The following MECOM variants were observed in gnomAD, a reference collection of about 807,000 sequenced individuals.
MECOM encodes the protein histone-lysine N-methyltransferase MECOM.
In MECOM, 13 loss-of-function variants were observed where a neutral mutation model predicts 116.3. That is an observed-to-expected ratio of 0.11 (90% CI 0.07 to 0.18). MECOM has a LOEUF of 0.18. Among genes scored for constraint, MECOM ranks in the 10% least tolerant of loss-of-function variants. MECOM has a pLI of 1.00. For missense variants in MECOM, 1,299 were observed against 1,509.0 expected (o/e 0.86, Z 2.31); for synonymous variants, 528 against 535.2 (o/e 0.99, Z 0.19).
At chr3:169,273,061 A>G (rs573760189) in intron 2 of MECOM, among the ~76,000 whole-genome samples, 1 of 152,266 alleles carries the variant, frequency 6.6e-6, no homozygotes, top group South Asian at 2.1e-4. Context: ...GTAGTCAGCT[A>G]CAGAATAGGA....
chr3:169,632,492 A>C (rs1772214236), intron 1 of MECOM, among the ~76,000 whole-genome samples: 1 of 152,198 alleles, frequency 6.6e-6, no homozygotes, highest in Non-Finnish European at 1.5e-5. Context: ...ATCTTGAATT[A>C]AAAAATAATC....
chr3:169,180,794 G>GATATATATATATAAATATATATATATAT (rs1745857794), intron 2 of MECOM, among the ~76,000 whole-genome samples: 1 of 108,718 alleles, frequency 9.2e-6, no homozygotes, highest in Admixed American at 9.5e-5. Context: ...GTGTGGAGAT[G>GATATATATATATAAATATATATATATAT]ATATATATAT....
At chr3:169,458,983 C>T (rs1000445879) in intron 1 of MECOM, among the ~76,000 whole-genome samples, 2 of 152,202 alleles carry the variant, frequency 1.3e-5, no homozygotes, top group Non-Finnish European at 2.9e-5. Context: ...AGCATTTAAA[C>T]ATGTCTGAAT....
intron 2 of MECOM, among the ~76,000 whole-genome samples, chr3:169,284,301 G>A (rs1381914499): frequency 6.6e-6 from 1 of 152,184 alleles, no homozygotes; most frequent in African/African-American, 2.4e-5. Context: ...TCACATTCTA[G>A]CAGCCTCCTT....
intron 2 of MECOM, among the ~76,000 whole-genome samples, chr3:169,252,514 C>T (rs1416890105): frequency 1.3e-5 from 2 of 150,272 alleles, no homozygotes; most frequent in African/African-American, 2.4e-5. Context: ...TTATATATAA[C>T]AAATATTTAT....
intron 2 of MECOM, 57 bp downstream of exon 2, chr3:169,381,130 A>G: frequency 6.8e-7 from 1 of 1,460,162 alleles, no homozygotes; most frequent in Non-Finnish European, 9.3e-7. Context: ...TGCTTAAACA[A>G]TCTCTTCTTT....
intron 7 of MECOM, 38 bp from the exon 8 acceptor site, chr3:169,116,777 G>A (rs1441824631): frequency 1.3e-6 from 2 of 1,534,620 alleles, no homozygotes; most frequent in African/African-American, 1.4e-5. Flanking sequence ...CAGGCTTTAT[G>A]TCAATTGCTT....
chr3:169,339,109 A>T (rs1032501197), intron 2 of MECOM, among the ~76,000 whole-genome samples: 14 of 152,220 alleles, frequency 9.2e-5, no homozygotes, highest in Admixed American at 5.9e-4. Flanking sequence ...GGTCGTTAGC[A>T]TCTACAATGC....
intron 1 of MECOM, among the ~76,000 whole-genome samples, chr3:169,577,366 T>C (rs539828827): frequency 2.0e-5 from 3 of 152,318 alleles, no homozygotes; most frequent in Admixed American, 6.5e-5. Context: ...AGCTGCTTTA[T>C]AATTAATAAA....
chr3:169,168,946 T>C (rs1469513990), intron 2 of MECOM, among the ~76,000 whole-genome samples: 3 of 151,792 alleles, frequency 2.0e-5, no homozygotes, highest in East Asian at 1.9e-4. Flanking sequence ...ATAGAATAGA[T>C]TGTTATAGAT....
intron 4 of MECOM, among the ~76,000 whole-genome samples, chr3:169,129,016 A>G (rs1412116418): frequency 6.6e-6 from 1 of 152,124 alleles, no homozygotes; most frequent in East Asian, 1.9e-4. Flanking sequence ...TCTTTTATAG[A>G]CCTATGGCCA....
chr3:169,659,718 G>A (rs529824212), intron 1 of MECOM, among the ~76,000 whole-genome samples: 2 of 152,154 alleles, frequency 1.3e-5, no homozygotes, highest in African/African-American at 2.4e-5. Flanking sequence ...AACCCAAGTA[G>A]GTGGGCATAC....
rs144590412 is a variant in MECOM at position 169,661,990 on chromosome 3, G to A, written c.37+1346C>T. Among the ~76,000 whole-genome samples, 29 of 152,330 alleles carry A rather than the reference G, an allele frequency of 1.9e-4. No individual in the cohort carries two copies. The East Asian group carries it at 4.0e-3, about 21-fold the overall frequency. ...GACACCTCAAGGAAGAGCGCTCCCA[G>A]CCGCTCCGGGGCTCAGTGTCCCTGA... On this transcript the variant is annotated intron_variant, in intron 1 of 16. Transcript: ENST00000651503.
At chr3:169,546,888 C>T (rs1387274780) in intron 1 of MECOM, among the ~76,000 whole-genome samples, 1 of 152,194 alleles carries the variant, frequency 6.6e-6, no homozygotes, top group African/African-American at 2.4e-5. Flanking sequence ...TGTGATGGAG[C>T]TGTTGAAAGA....
chr3:169,095,326 C>T, intron 12 of MECOM, 81 bp from the exon 13 acceptor site: 8 of 1,163,798 alleles, frequency 6.9e-6, no homozygotes, highest in Non-Finnish European at 9.5e-6. Flanking sequence ...TATCAAAAAT[C>T]ATCTCCACTC....
chr3:169,453,208 G>A (rs900203777), intron 1 of MECOM, among the ~76,000 whole-genome samples: 2 of 152,228 alleles, frequency 1.3e-5, no homozygotes, highest in African/African-American at 4.8e-5. Context: ...ATGGCTGCAT[G>A]ACAGAACAAA....
intron 1 of MECOM, among the ~76,000 whole-genome samples, chr3:169,554,884 A>G (rs1302966318): frequency 2.0e-5 from 3 of 152,194 alleles, no homozygotes. Flanking sequence ...TGATCCCGAG[A>G]GCAATGGGGA....
chr3:169,481,951 T>C (rs1751352211), intron 1 of MECOM, among the ~76,000 whole-genome samples: 2 of 152,330 alleles, frequency 1.3e-5, no homozygotes, highest in South Asian at 2.1e-4. Flanking sequence ...TGTTATTGTT[T>C]GGTGGTGGGA....
At chr3:169,259,387 C>T (rs74967608) in intron 2 of MECOM, among the ~76,000 whole-genome samples, 4,279 of 152,248 alleles carry the variant, frequency 0.028, 203 homozygotes, top group African/African-American at 0.095. Flanking sequence ...TAGTGCTATG[C>T]TTACGCTTCT....
Sources: allele counts gnomAD v4.1 joint callset (sites outside exome capture counted in the v4.1 genomes callset), GRCh38; gene constraint gnomAD v4.1.1; transcripts MANE v1.5; gene names NCBI Gene and HGNC (gene_info 2026-07-23, HGNC 2026-07-21).